The following SPATA17 variants were observed in gnomAD, a reference collection of about 807,000 sequenced individuals.
The protein encoded by SPATA17 is spermatogenesis associated 17, also known as spermatogenesis-associated protein 17.
Under a neutral mutation model 62.2 loss-of-function variants are expected in SPATA17, and 53 were observed. The observed-to-expected ratio is 0.85, with a 90% CI of 0.68 to 1.07. The LOEUF is 1.07. Ranked by LOEUF, SPATA17 falls within the 50% of genes least tolerant of loss-of-function variation. SPATA17 has a pLI of 0.00. For missense variants in SPATA17, 466 were observed against 425.5 expected, an observed-to-expected ratio of 1.10 and a Z score of -0.84; for synonymous variants, 146 against 146.8, an observed-to-expected ratio of 0.99 and a Z score of 0.04.
At chr1:217,648,201 G>A (rs1571703291) in intron 1 of SPATA17, among the ~76,000 whole-genome samples, 1 of 152,056 alleles carries the variant, frequency 6.6e-6, no homozygotes, top group African/African-American at 2.4e-5. Context: ...ATCAGGTAAT[G>A]CAACTATTTA....
intron 9 of SPATA17, among the ~76,000 whole-genome samples, chr1:217,834,924 T>G (rs1434128989): frequency 6.6e-6 from 1 of 152,142 alleles, no homozygotes; most frequent in Non-Finnish European, 1.5e-5. Context: ...TCACACTGTA[T>G]TTTTACTGTA....
At chr1:217,838,259 C>G (rs1223901750) in intron 9 of SPATA17, among the ~76,000 whole-genome samples, 1 of 151,930 alleles carries the variant, frequency 6.6e-6, no homozygotes, top group Admixed American at 6.6e-5. Context: ...ATAGAAGGGA[C>G]TTGATTTTAG....
intron 8 of SPATA17, among the ~76,000 whole-genome samples, chr1:217,796,641 T>C (rs901303633): frequency 2.0e-5 from 3 of 152,220 alleles, no homozygotes; most frequent in South Asian, 4.1e-4. Flanking sequence ...TAAAATACTG[T>C]GTGTATTAAG....
chr1:217,781,653 G>A (rs1463218520), intron 7 of SPATA17, among the ~76,000 whole-genome samples: 1 of 152,098 alleles, frequency 6.6e-6, no homozygotes, highest in East Asian at 1.9e-4. Context: ...ATAAATAAAA[G>A]TTATGGTTCT....
intron 6 of SPATA17, among the ~76,000 whole-genome samples, chr1:217,755,488 CA>C (rs1673020606): frequency 1.3e-5 from 2 of 151,910 alleles, no homozygotes; most frequent in Admixed American, 6.6e-5. Flanking sequence ...AAAAACTTGT[CA>C]AAAAAATTTT....
chr1:217,822,439 A>C lies in SPATA17; in HGVS notation c.1005+20589A>C, dbSNP rs533318900. Among the ~76,000 whole-genome samples the C allele has an allele frequency of 4.0e-5, 6 of 151,206 alleles. No homozygotes were observed. The South Asian group carries it at 1.2e-3, about 31-fold the overall frequency. ...TTTTCTTACTATTTTTCTAATTACT[A>C]TATGAACTCTTCCTTTAGGTATAGA... On this transcript the variant is annotated intron_variant, in intron 9 of 10. Coordinates refer to ENST00000366933, the MANE Select transcript of SPATA17 (RefSeq NM_138796.4).
At chr1:217,735,792 T>C (rs1672498751) in intron 5 of SPATA17, among the ~76,000 whole-genome samples, 1 of 152,096 alleles carries the variant, frequency 6.6e-6, no homozygotes, top group Non-Finnish European at 1.5e-5. Flanking sequence ...TTTTTAGTAT[T>C]ATAGTTTGAA....
At chr1:217,789,182 C>CA (rs1397309500) in intron 8 of SPATA17, among the ~76,000 whole-genome samples, 1 of 152,064 alleles carries the variant, frequency 6.6e-6, no homozygotes, top group Admixed American at 6.5e-5. Context: ...TTTAGAAAAA[C>CA]AAAAAAGTAT....
At chr1:217,838,520 A>C (rs1331223538) in intron 9 of SPATA17, among the ~76,000 whole-genome samples, 2 of 152,100 alleles carry the variant, frequency 1.3e-5, no homozygotes, top group South Asian at 2.1e-4. Flanking sequence ...TATTTTAATG[A>C]AAATAATTAA....
chr1:217,818,870 TATTTC>T (rs913043856), intron 9 of SPATA17, among the ~76,000 whole-genome samples: 10 of 145,860 alleles, frequency 6.9e-5, no homozygotes, highest in African/African-American at 2.5e-4. Flanking sequence ...CCATATTACT[TATTTC>T]ATTTTCCTTT....
At chr1:217,796,025 T>C (rs569317694) in intron 8 of SPATA17, among the ~76,000 whole-genome samples, 1 of 152,078 alleles carries the variant, frequency 6.6e-6, no homozygotes, top group East Asian at 1.9e-4. Flanking sequence ...CTCAAACTCC[T>C]GGGCTCAAGT....
intron 3 of SPATA17, among the ~76,000 whole-genome samples, chr1:217,652,084 A>T (rs971143185): frequency 2.0e-5 from 3 of 152,232 alleles, no homozygotes; most frequent in African/African-American, 7.2e-5. Context: ...TTGCACTCTC[A>T]AAGCATGGTG....
At chr1:217,664,940 G>A (rs1258246083) in intron 3 of SPATA17, among the ~76,000 whole-genome samples, 1 of 152,010 alleles carries the variant, frequency 6.6e-6, no homozygotes, top group Middle Eastern at 3.4e-3. Context: ...AAAAAGGAAT[G>A]GTAAGACATT....
intron 6 of SPATA17, among the ~76,000 whole-genome samples, chr1:217,750,850 T>G (rs1054452877): frequency 6.6e-6 from 1 of 152,188 alleles, no homozygotes; most frequent in Non-Finnish European, 1.5e-5. Context: ...AAATTAAGAC[T>G]AGAAGATAAA....
At position 217,868,674 on chromosome 1, in the gene SPATA17, T is replaced by G. The variant is rs923262401; in HGVS notation, c.*1655T>G. On this transcript the variant is annotated 3_prime_UTR_variant, in exon 11 of 11. Coordinates refer to ENST00000366933, the MANE Select transcript of SPATA17 (RefSeq NM_138796.4). ...AGTATCTGAGACAATGTTTTTTTTT[T>G]TTTTTTTTTTTTTTTTAATTTCTGA... is the stretch of plus-strand genomic sequence containing the variant. 3.0e-3 allele frequency: 447 copies of G among 148,154 alleles called. 3 individuals carry two copies. Among genetic ancestry groups the G allele is most frequent in the African/African-American group, 0.011 (425 of 40,116 alleles). 9.2% of individuals were successfully genotyped at this position (148,154 alleles called of 1,614,324 possible).
At chr1:217,694,981 T>G (rs979931702) in intron 5 of SPATA17, among the ~76,000 whole-genome samples, 4 of 132,584 alleles carry the variant, frequency 3.0e-5, no homozygotes, top group African/African-American at 1.1e-4. Context: ...TTGGAGTTGC[T>G]CTTCTCGAGG....
At chr1:217,686,930 G>A (rs1260760787) in intron 5 of SPATA17, among the ~76,000 whole-genome samples, 1 of 152,180 alleles carries the variant, frequency 6.6e-6, no homozygotes, top group Non-Finnish European at 1.5e-5. Context: ...TGTTGGCCAG[G>A]CTGGTCTTGA....
chr1:217,814,689 A>C (rs998178818), intron 9 of SPATA17, among the ~76,000 whole-genome samples: 2 of 152,008 alleles, frequency 1.3e-5, no homozygotes, highest in Non-Finnish European at 2.9e-5. Flanking sequence ...CTCCGCAAAA[A>C]AATTAAAAAT....
chr1:217,850,072 T>TGTAAACATCCACA (rs1675612975), intron 9 of SPATA17, among the ~76,000 whole-genome samples: 1 of 152,110 alleles, frequency 6.6e-6, no homozygotes, highest in Non-Finnish European at 1.5e-5. Context: ...TTGTCCACAT[T>TGTAAACATCCACA]TTTTTGAATG....
Sources: allele counts gnomAD v4.1 joint callset (sites outside exome capture counted in the v4.1 genomes callset), GRCh38; gene constraint gnomAD v4.1.1; transcripts MANE v1.5; gene names NCBI Gene and HGNC (gene_info 2026-07-23, HGNC 2026-07-21).